The following RABL3 variants were observed in gnomAD, a reference collection of about 807,000 sequenced individuals.
The protein encoded by RABL3 is rab-like protein 3.
In RABL3, 31 loss-of-function variants were observed where a neutral mutation model predicts 31.8. That is an observed-to-expected ratio of 0.97 (90% CI 0.73 to 1.31). The LOEUF (loss-of-function observed/expected upper bound fraction) is 1.31. Among genes scored for constraint, RABL3 ranks in the 40% most tolerant of loss-of-function variants. RABL3 has a pLI of 0.00. For missense variants in RABL3, 263 were observed against 279.6 expected (o/e 0.94, Z 0.42); for synonymous variants, 97 against 99.9 (o/e 0.97, Z 0.18).
intron 1 of RABL3, among the ~76,000 whole-genome samples, chr3:120,735,235 C>A (rs1048318755): frequency 6.6e-6 from 1 of 152,128 alleles, no homozygotes; most frequent in Non-Finnish European, 1.5e-5. Flanking sequence ...TGTTATTGGT[C>A]TATTCAGAGA....
At chr3:120,742,604 C>T (rs900031213), upstream of RABL3, 74 of 1,184,892 alleles carry the variant, frequency 6.2e-5, no homozygotes, top group African/African-American at 9.6e-4. Context: ...ATTGGCCACT[C>T]GGAGCGTGAC....
intron 2 of RABL3, among the ~76,000 whole-genome samples, chr3:120,717,256 T>A (rs1396690032): frequency 1.5e-5 from 2 of 134,444 alleles, no homozygotes; most frequent in African/African-American, 5.5e-5. Flanking sequence ...CAAAACTCCA[T>A]CTCAAAAAAA....
chr3:120,710,224 TCCACTCTTGGTTATATCCA>T, intron 2 of RABL3: 1 of 179,106 alleles, frequency 5.6e-6, no homozygotes, highest in Non-Finnish European at 1.2e-5. Context: ...CTGACAAAAT[TCCACTCTTGGTTATATCCA>T]CCTTTTACCC....
intron 2 of RABL3, among the ~76,000 whole-genome samples, chr3:120,717,390 A>AGACT (rs1243218810): frequency 6.6e-6 from 1 of 152,208 alleles, no homozygotes; most frequent in Non-Finnish European, 1.5e-5. Flanking sequence ...AATTCAGGTA[A>AGACT]GACTGTCTTT....
At chr3:120,714,315 A>G (rs1430020970) in intron 2 of RABL3, among the ~76,000 whole-genome samples, 1 of 152,128 alleles carries the variant, frequency 6.6e-6, no homozygotes, top group Non-Finnish European at 1.5e-5. Context: ...ATACTAGGAG[A>G]ATATACCACA....
At chr3:120,700,247 T>A (rs1193362450) in intron 4 of RABL3, among the ~76,000 whole-genome samples, 2 of 152,116 alleles carry the variant, frequency 1.3e-5, no homozygotes, top group Non-Finnish European at 2.9e-5. Flanking sequence ...CAGCCAGGTA[T>A]CATATTATAT....
intron 6 of RABL3, among the ~76,000 whole-genome samples, chr3:120,691,300 G>T (rs1201649662): frequency 6.6e-6 from 1 of 152,206 alleles, no homozygotes; most frequent in African/African-American, 2.4e-5. Flanking sequence ...TTGAGAAACT[G>T]CAATGGTTAC....
At chr3:120,696,674 C>T (rs912970029) in intron 5 of RABL3, among the ~76,000 whole-genome samples, 1 of 151,946 alleles carries the variant, frequency 6.6e-6, no homozygotes, top group African/African-American at 2.4e-5. Flanking sequence ...GAAACAGATA[C>T]ATTCTAAAAT....
intron 4 of RABL3, among the ~76,000 whole-genome samples, chr3:120,704,545 G>A (rs1708527647): frequency 6.6e-6 from 1 of 152,116 alleles, no homozygotes. Context: ...CTCCTAGTTA[G>A]TACCCTTTTG....
At chr3:120,720,068 C>A (rs1270085307) in intron 2 of RABL3, among the ~76,000 whole-genome samples, 2 of 152,214 alleles carry the variant, frequency 1.3e-5, no homozygotes, top group Non-Finnish European at 2.9e-5. Context: ...GATACCCAGG[C>A]AAACAGGGTC....
rs1708322768 is a variant in RABL3, at chr3:120,687,343, T to C, written c.*2480A>G. 6.6e-6 allele frequency: 1 copy of C among 152,244 alleles called. No individual in the cohort carries two copies. Among genetic ancestry groups the C allele is most frequent in the African/African-American group, 2.4e-5 (1 of 41,462 alleles). The allele number at this position is 152,244 out of a possible 1,614,324, so 9.4% of individuals were successfully genotyped here. ...TCATCAGGCTGCTGGAAGGCAGTGG[T>C]GCAATCATGAATCACTGCAGCCTCA... On this transcript the variant is annotated 3_prime_UTR_variant, in exon 8 of 8. Coordinates refer to ENST00000273375, the MANE Select transcript of RABL3 (RefSeq NM_173825.5).
Position 120,689,884 on chromosome 3 carries a change from G to A in RABL3, c.650C>T (p.Pro217Leu), listed in dbSNP as rs754970586. 7 of 1,611,098 alleles carry A rather than the reference G, an allele frequency of 4.3e-6. No individual in the cohort carries two copies. The highest frequency in any genetic ancestry group is 5.1e-6 in the Non-Finnish European group (6 of 1,177,660). Reference protein sequence around the residue: ...RYFLREGNQIPGFPDRKRFGA... With the variant: ...RYFLREGNQILGFPDRKRFGA... ...AAATCTTTTCCGATCAGGAAAGCCT[G>A]GAATCTGTAGGCAAGAAAGATAATT... Residue 217 changes from proline (P) to leucine (L), a missense_variant, in exon 8 of 8, where the codon CCA becomes CTA. Physicochemically the swap from Pro to Leu is moderately conservative, Grantham distance 98 (BLOSUM62 -3). Transcript: ENST00000273375.
At chr3:120,708,820 T>C (rs1278016444) in intron 3 of RABL3, among the ~76,000 whole-genome samples, 1 of 152,026 alleles carries the variant, frequency 6.6e-6, no homozygotes, top group East Asian at 1.9e-4. Flanking sequence ...CTGAGCTAAA[T>C]AGGATATGGG....
At chr3:120,702,561 T>TC (rs921186441) in intron 4 of RABL3, among the ~76,000 whole-genome samples, 1 of 140,248 alleles carries the variant, frequency 7.1e-6, no homozygotes, top group Non-Finnish European at 1.6e-5. Context: ...GAAATTTTTC[T>TC]TTTTTTTTTT....
chr3:120,718,403 C>T (rs888139364), intron 2 of RABL3, among the ~76,000 whole-genome samples: 3 of 152,208 alleles, frequency 2.0e-5, no homozygotes, highest in Non-Finnish European at 4.4e-5. Flanking sequence ...ACTCCCCTCC[C>T]TCCTTGTCTT....
chr3:120,714,991 A>G (rs549724279), intron 2 of RABL3, among the ~76,000 whole-genome samples: 1 of 152,264 alleles, frequency 6.6e-6, no homozygotes, highest in East Asian at 1.9e-4. Context: ...TCAGCATTTC[A>G]TTTCCAGGAC....
At chr3:120,734,751 A>G (rs1576348665) in intron 1 of RABL3, among the ~76,000 whole-genome samples, 1 of 152,244 alleles carries the variant, frequency 6.6e-6, no homozygotes, top group African/African-American at 2.4e-5. Context: ...TTTTTAGCAC[A>G]AAGGGCTGTA....
intron 6 of RABL3, 45 bp from the exon 7 acceptor site, chr3:120,690,532 A>G: frequency 6.9e-7 from 1 of 1,445,186 alleles, no homozygotes; most frequent in Non-Finnish European, 9.7e-7. Context: ...CATACCTGCA[A>G]AAAGTGGCTA....
chr3:120,695,188 T>C (rs1296942374), intron 5 of RABL3, among the ~76,000 whole-genome samples: 1 of 152,156 alleles, frequency 6.6e-6, no homozygotes, highest in African/African-American at 2.4e-5. Context: ...GCCCACATGA[T>C]TCCTTTCTAA....
Sources: allele counts gnomAD v4.1 joint callset (sites outside exome capture counted in the v4.1 genomes callset), GRCh38; gene constraint gnomAD v4.1.1; transcripts MANE v1.5; gene names NCBI Gene and HGNC (gene_info 2026-07-23, HGNC 2026-07-21).